The following KCNAB1 variants were observed in gnomAD, a reference collection of about 807,000 sequenced individuals.
KCNAB1 encodes voltage-gated potassium channel subunit beta-1.
A neutral mutation model predicts 64.6 loss-of-function variants in KCNAB1; 35 were observed. That is an observed-to-expected ratio of 0.54 (90% CI 0.41 to 0.72). KCNAB1 has a LOEUF of 0.72. Among genes scored for constraint, KCNAB1 ranks in the 30% least tolerant of loss-of-function variants. KCNAB1 has a pLI of 0.00. For synonymous variants in KCNAB1, 177 were observed against 183.8 expected, an observed-to-expected ratio of 0.96 and a Z score of 0.30; for missense variants, 401 against 512.9, an observed-to-expected ratio of 0.78 and a Z score of 2.11.
At chr3:156,182,636 C>CCCG (rs1553815382) in intron 1 of KCNAB1, among the ~76,000 whole-genome samples, 1 of 151,662 alleles carries the variant, frequency 6.6e-6, no homozygotes, top group Non-Finnish European at 1.5e-5. Context: ...TTTTCCCCCC[C>CCCG]CCGGGTCTTA....
intron 8 of KCNAB1, among the ~76,000 whole-genome samples, chr3:156,484,701 A>G (rs1167087883): frequency 6.6e-6 from 1 of 152,128 alleles, no homozygotes; most frequent in Non-Finnish European, 1.5e-5. Context: ...GAATGCAGTG[A>G]GCAGAGCCAC....
At chr3:156,199,128 G>T (rs9830107) in intron 1 of KCNAB1, among the ~76,000 whole-genome samples, 1 of 151,934 alleles carries the variant, frequency 6.6e-6, no homozygotes, top group Non-Finnish European at 1.5e-5. Flanking sequence ...TTTTCTTTAA[G>T]AATGTTAAAT....
At position 156,452,359 on chromosome 3, in the gene KCNAB1, G is replaced by A. The variant is rs1295315184; in HGVS notation, c.320-540G>A. On this transcript the variant is annotated intron_variant, in intron 2 of 13. Coordinates refer to ENST00000490337, the MANE Select transcript of KCNAB1 (RefSeq NM_172160.3). The surrounding 1 kb of genome is among the most constrained non-coding windows in gnomAD (Gnocchi z 4.6). Reference sequence around the variant, plus strand: ...CCAGTGGAGATTTCCATTCTGGAATGGCAGGTTATGACAGAGAAGGCACAT... The same window carrying A: ...CCAGTGGAGATTTCCATTCTGGAATAGCAGGTTATGACAGAGAAGGCACAT... Among the ~76,000 whole-genome samples, 1 of 152,214 alleles carries A rather than the reference G, an allele frequency of 6.6e-6. No individual in the cohort carries two copies. The highest frequency in any genetic ancestry group is 1.5e-5 in the Non-Finnish European group (1 of 68,036).
chr3:156,318,230 A>G (rs1282351953), intron 1 of KCNAB1, among the ~76,000 whole-genome samples: 1 of 152,186 alleles, frequency 6.6e-6, no homozygotes, highest in East Asian at 1.9e-4. Context: ...TCCATAGCTC[A>G]TGATTTTCTA....
intron 1 of KCNAB1, among the ~76,000 whole-genome samples, chr3:156,393,298 G>A (rs1312770960): frequency 6.6e-6 from 1 of 152,100 alleles, no homozygotes; most frequent in Non-Finnish European, 1.5e-5. Context: ...TGATCTCCTT[G>A]GAGTTTTTAC....
At chr3:156,119,392 A>C (rs902356338), upstream of KCNAB1, among the ~76,000 whole-genome samples, 4 of 152,230 alleles carry the variant, frequency 2.6e-5, no homozygotes, top group Non-Finnish European at 4.4e-5. Flanking sequence ...AGGAGGCCTT[A>C]TGACAGCCTA....
At chr3:156,405,940 G>T (rs1221545103) in intron 1 of KCNAB1, among the ~76,000 whole-genome samples, 2 of 152,050 alleles carry the variant, frequency 1.3e-5, no homozygotes, top group African/African-American at 4.8e-5. Flanking sequence ...ATCAGGTCTT[G>T]ACTTGGAGCT....
At chr3:156,417,447 G>T (rs373197008) in intron 1 of KCNAB1, among the ~76,000 whole-genome samples, 4 of 152,278 alleles carry the variant, frequency 2.6e-5, no homozygotes, top group African/African-American at 9.6e-5. Context: ...CCTTTAAATC[G>T]GGGATTTTGC....
chr3:156,527,826 C>A (rs984881636), intron 12 of KCNAB1, among the ~76,000 whole-genome samples: 1 of 152,196 alleles, frequency 6.6e-6, no homozygotes, highest in African/African-American at 2.4e-5. Flanking sequence ...CGGCAGAAAG[C>A]AAACTACTTG....
intron 1 of KCNAB1, among the ~76,000 whole-genome samples, chr3:156,310,371 A>G (rs572229481): frequency 1.8e-4 from 28 of 152,326 alleles, no homozygotes; most frequent in African/African-American, 6.3e-4. Context: ...GGGCAAAGGC[A>G]TAAGTATGAA....
intron 1 of KCNAB1, among the ~76,000 whole-genome samples, chr3:156,361,549 G>A (rs1725615410): frequency 6.6e-6 from 1 of 152,200 alleles, no homozygotes; most frequent in Non-Finnish European, 1.5e-5. Flanking sequence ...TATGCTCCAT[G>A]AGGGCAGGGA....
chr3:156,143,420 G>A, intron 1 of KCNAB1: 1 of 1,554,600 alleles, frequency 6.4e-7, no homozygotes. Flanking sequence ...ATGGCATACA[G>A]GTACTGCTGA....
chr3:156,283,311 T>C (rs200898115), intron 1 of KCNAB1, among the ~76,000 whole-genome samples: 3,684 of 151,088 alleles, frequency 0.024, 213 homozygotes, highest in South Asian at 0.21. Context: ...TCTTCTGGCT[T>C]GTAGGGTTTC....
At chr3:156,184,960 T>G (rs989557381) in intron 1 of KCNAB1, among the ~76,000 whole-genome samples, 2 of 152,180 alleles carry the variant, frequency 1.3e-5, no homozygotes, top group Non-Finnish European at 2.9e-5. Context: ...GGAATTCTCA[T>G]GCATATTATT....
At chr3:156,408,515 C>T (rs569642313) in intron 1 of KCNAB1, among the ~76,000 whole-genome samples, 2 of 152,348 alleles carry the variant, frequency 1.3e-5, no homozygotes, top group Admixed American at 6.5e-5. Flanking sequence ...CGCAGTGGCT[C>T]ATGCCTGTAA....
At chr3:156,150,151 C>G (rs1002787511) in intron 1 of KCNAB1, among the ~76,000 whole-genome samples, 1 of 152,012 alleles carries the variant, frequency 6.6e-6, no homozygotes, top group Non-Finnish European at 1.5e-5. Flanking sequence ...AGGCTCAGGA[C>G]GTATGTGATT....
At chr3:156,184,575 T>C (rs1363875754) in intron 1 of KCNAB1, among the ~76,000 whole-genome samples, 1 of 152,084 alleles carries the variant, frequency 6.6e-6, no homozygotes, top group African/African-American at 2.4e-5. Context: ...AAAGAGTGCC[T>C]GGAACAGCCA....
chr3:156,429,440 T>C (rs1716058237), intron 2 of KCNAB1, among the ~76,000 whole-genome samples: 1 of 152,198 alleles, frequency 6.6e-6, no homozygotes. Flanking sequence ...ACTCCTGCCA[T>C]CTGGGTGCCA....
intron 4 of KCNAB1, among the ~76,000 whole-genome samples, chr3:156,458,899 T>G (rs1210268959): frequency 6.6e-6 from 1 of 152,164 alleles, no homozygotes; most frequent in African/African-American, 2.4e-5. Context: ...AAAGGAGAGA[T>G]AGGGAAAAAC....
Sources: allele counts gnomAD v4.1 joint callset (sites outside exome capture counted in the v4.1 genomes callset), GRCh38; gene constraint gnomAD v4.1.1; non-coding constraint Gnocchi (gnomAD v3.1); transcripts MANE v1.5; gene names NCBI Gene and HGNC (gene_info 2026-07-23, HGNC 2026-07-21).